Variants in PDE3A observed in about 807,000 individuals in gnomAD.
PDE3A encodes the protein phosphodiesterase 3A.
PDE3A carries 43 observed loss-of-function variants against 98.3 expected under a neutral mutation model. The observed-to-expected ratio is 0.44, with a 90% confidence interval of 0.34 to 0.56. The LOEUF is 0.56. Among genes scored for constraint, PDE3A ranks in the 20% least tolerant of loss-of-function variants. The probability of loss-of-function intolerance (pLI) is 0.01; values close to 1 mark genes in which losing one functional copy is unlikely to be tolerated. For missense variants in PDE3A, 1,427 were observed against 1,440.7 expected (o/e 0.99, Z 0.15); for synonymous variants, 663 against 567.9 (o/e 1.17, Z -2.38).
chr12:20,412,018 T>G (rs1317162977), intron 1 of PDE3A, among the ~76,000 whole-genome samples: 1 of 152,194 alleles, frequency 6.6e-6, no homozygotes, highest in Non-Finnish European at 1.5e-5. Flanking sequence ...AGCATACTTA[T>G]GATCTATCCA....
chr12:20,481,481 T>C (rs1945624294), intron 1 of PDE3A, among the ~76,000 whole-genome samples: 1 of 152,148 alleles, frequency 6.6e-6, no homozygotes, highest in African/African-American at 2.4e-5. Flanking sequence ...TATTAACTAG[T>C]CCTAGTCATT....
intron 1 of PDE3A, among the ~76,000 whole-genome samples, chr12:20,503,535 TG>T (rs1226993070): frequency 1.3e-5 from 2 of 152,050 alleles, no homozygotes; most frequent in Non-Finnish European, 2.9e-5. Context: ...GGAGAAGATA[TG>T]GGTAATGTCC....
At chr12:20,590,740 C>G (rs1433184628) in intron 2 of PDE3A, among the ~76,000 whole-genome samples, 2 of 152,154 alleles carry the variant, frequency 1.3e-5, no homozygotes, top group African/African-American at 4.8e-5. Flanking sequence ...CATTCCCACC[C>G]TAGACAGTAC....
chr12:20,588,942 A>G (rs1477497046), intron 2 of PDE3A, among the ~76,000 whole-genome samples: 1 of 152,052 alleles, frequency 6.6e-6, no homozygotes, highest in African/African-American at 2.4e-5. Flanking sequence ...TTTGTTTTTG[A>G]GACGGGGTCT....
intron 1 of PDE3A, among the ~76,000 whole-genome samples, chr12:20,507,058 A>AG (rs1565571437): frequency 6.6e-6 from 1 of 152,068 alleles, no homozygotes; most frequent in African/African-American, 2.4e-5. Flanking sequence ...ATTCACATAA[A>AG]GGGTATTTAT....
In PDE3A at chr12:20,430,628, A is replaced by G. The variant is rs545448576; in HGVS notation, c.960+60384A>G. Among the ~76,000 whole-genome samples, 85 of 152,310 alleles carry G rather than the reference A, an allele frequency of 5.6e-4. 2 individuals carry two copies. In the South Asian group the frequency reaches 0.017, roughly 30 times the overall value. On this transcript the variant is annotated intron_variant, in intron 1 of 15. Transcript: ENST00000359062. ...TGAAAGGAATATTTGCAAAACCATG[A>G]AAGTGAGCAAAGTTGAGATGGGCTA...
intron 1 of PDE3A, among the ~76,000 whole-genome samples, chr12:20,498,268 C>A (rs1945959286): frequency 6.6e-6 from 1 of 151,164 alleles, no homozygotes. Context: ...TTAAAATATA[C>A]CGCCCACCCC....
At chr12:20,599,791 G>A (rs559931714) in intron 2 of PDE3A, among the ~76,000 whole-genome samples, 36 of 152,154 alleles carry the variant, frequency 2.4e-4, no homozygotes, top group African/African-American at 7.2e-4. Flanking sequence ...TTTACAGCCA[G>A]TTTTCATGAG....
chr12:20,554,377 A>AT (rs1388932994), intron 1 of PDE3A, among the ~76,000 whole-genome samples: 2 of 144,090 alleles, frequency 1.4e-5, no homozygotes, highest in East Asian at 4.0e-4. Context: ...AAAAAATAAA[A>AT]AAAATAAAAA....
At chr12:20,661,797 G>A (rs1945176697) in intron 15 of PDE3A, among the ~76,000 whole-genome samples, 1 of 152,170 alleles carries the variant, frequency 6.6e-6, no homozygotes, top group Non-Finnish European at 1.5e-5. Flanking sequence ...CTGCAGGGGT[G>A]GGGCAGTCAT....
chr12:20,520,714 C>G (rs1167326716), intron 1 of PDE3A, among the ~76,000 whole-genome samples: 1 of 152,160 alleles, frequency 6.6e-6, no homozygotes, highest in African/African-American at 2.4e-5. Context: ...CGCTTCTTGG[C>G]TTTGTATGCT....
At chr12:20,530,059 C>T (rs576030913) in intron 1 of PDE3A, among the ~76,000 whole-genome samples, 2 of 152,238 alleles carry the variant, frequency 1.3e-5, no homozygotes, top group East Asian at 1.9e-4. Flanking sequence ...TCATTTATAA[C>T]ACAATCTTGA....
intron 1 of PDE3A, among the ~76,000 whole-genome samples, chr12:20,375,796 A>T (rs945233692): frequency 6.6e-6 from 1 of 151,982 alleles, no homozygotes; most frequent in Non-Finnish European, 1.5e-5. Context: ...TCACAGTGAA[A>T]TATCTTAGAT....
At chr12:20,546,228 G>T (rs570769299) in intron 1 of PDE3A, among the ~76,000 whole-genome samples, 1 of 152,058 alleles carries the variant, frequency 6.6e-6, no homozygotes, top group East Asian at 1.9e-4. Flanking sequence ...CTGATAAACA[G>T]TATATGGCAA....
At chr12:20,391,773 C>T (rs1899909) in intron 1 of PDE3A, among the ~76,000 whole-genome samples, 28,353 of 151,692 alleles carry the variant, frequency 0.19, 2,817 homozygotes, top group Admixed American at 0.27. Context: ...ATTTTGTTCT[C>T]CCCTTTTCCC....
intron 1 of PDE3A, among the ~76,000 whole-genome samples, chr12:20,404,848 T>TTTTTTTTTA (rs11459541): frequency 6.8e-6 from 1 of 147,964 alleles, no homozygotes; most frequent in Non-Finnish European, 1.5e-5. Flanking sequence ...TTTTTTTTTT[T>TTTTTTTTTA]GAGCAGGAAC....
chr12:20,411,548 T>A (rs1180083718), intron 1 of PDE3A, among the ~76,000 whole-genome samples: 1 of 152,124 alleles, frequency 6.6e-6, no homozygotes, highest in Non-Finnish European at 1.5e-5. Flanking sequence ...ATGCTGTCGC[T>A]GACAACTAGA....
chr12:20,437,415 C>T (rs1288195046), intron 1 of PDE3A, among the ~76,000 whole-genome samples: 2 of 152,036 alleles, frequency 1.3e-5, no homozygotes, highest in Non-Finnish European at 2.9e-5. Flanking sequence ...AGAAAAGAGG[C>T]ATTTACCCAT....
chr12:20,411,808 CGTA>C (rs546083912), intron 1 of PDE3A, among the ~76,000 whole-genome samples: 89 of 152,294 alleles, frequency 5.8e-4, no homozygotes, highest in African/African-American at 2.0e-3. Context: ...ATGTCCCCGA[CGTA>C]GTCTATCCCT....
Sources: allele counts gnomAD v4.1 joint callset (sites outside exome capture counted in the v4.1 genomes callset), GRCh38; gene constraint gnomAD v4.1.1; transcripts MANE v1.5; gene names NCBI Gene and HGNC (gene_info 2026-07-23, HGNC 2026-07-21).